MVB12B: variants seen among roughly 807,000 people sequenced by gnomAD.
MVB12B encodes the protein ESCRT-I complex subunit MVB12B.
In MVB12B, 16 loss-of-function variants were observed where a neutral mutation model predicts 41.6. The observed-to-expected ratio is 0.38, with a 90% CI of 0.26 to 0.58. MVB12B has a LOEUF of 0.58. Ranked by LOEUF, MVB12B falls within the 20% of genes least tolerant of loss-of-function variation. The pLI is 0.62. For synonymous variants in MVB12B, 133 were observed against 139.7 expected, an observed-to-expected ratio of 0.95 and a Z score of 0.34; for missense variants, 274 against 380.2, an observed-to-expected ratio of 0.72 and a Z score of 2.32.
intron 2 of MVB12B, among the ~76,000 whole-genome samples, chr9:126,361,373 G>A (rs776566204): frequency 2.8e-4 from 42 of 151,882 alleles, no homozygotes; most frequent in Non-Finnish European, 5.4e-4. Flanking sequence ...TGCTATTGTT[G>A]GCATACATTT....
At chr9:126,500,871 T>A (rs1833941166) in intron 9 of MVB12B, among the ~76,000 whole-genome samples, 1 of 152,228 alleles carries the variant, frequency 6.6e-6, no homozygotes, top group South Asian at 2.1e-4. Context: ...CCTTGCTCTC[T>A]CCGGTGATCC....
chr9:126,391,980 A>AGGGC lies in MVB12B; in HGVS notation c.410-84_410-81dup. 6.7e-7 allele frequency: 1 copy of AGGGC among 1,488,596 alleles called. No individual in the cohort carries two copies. The highest frequency in any genetic ancestry group is 9.3e-7 in the Non-Finnish European group (1 of 1,074,194). The allele number at this position is 1,488,596 out of a possible 1,614,324, so 92.2% of individuals were successfully genotyped here. A position where few individuals can be genotyped will look rare whatever the true frequency, so the allele number is the denominator to read the frequency against. ...ACCTGCCACTTCTGCTGCCAGGAAT[A>AGGGC]GGGCGTGACAGGGGATGTGGTTTTC... On this transcript the variant is annotated intron_variant, in intron 4 of 9. Transcript: ENST00000361171. The surrounding 1 kb of genome is among the most constrained non-coding windows in gnomAD (Gnocchi z 4.4).
chr9:126,435,231 TGCTG>T lies in MVB12B; in HGVS notation c.757+13284_757+13287del, dbSNP rs1203484837. ...CGTAAATATTGTTATTCCAGGGAAT[TGCTG>T]CTTATTATACCAGAAGGCACTGGTC... On this transcript the variant is annotated intron_variant, in intron 7 of 9. Coordinates refer to ENST00000361171, the MANE Select transcript of MVB12B (RefSeq NM_033446.3). Among the ~76,000 whole-genome samples, 3 of 152,294 alleles carry T rather than the reference TGCTG, an allele frequency of 2.0e-5. No homozygotes were observed. In the South Asian group the frequency reaches 6.2e-4, roughly 32 times the overall value.
rs116445156 is a variant in MVB12B at position 126,392,292 on chromosome 9, C to A, written c.539+97C>A. 7,151 of 1,444,352 alleles carry A rather than the reference C, an allele frequency of 5.0e-3. 291 individuals are homozygous for A. In the African/African-American group the frequency reaches 0.089, roughly 18 times the overall value. 89.5% of individuals were successfully genotyped at this position (1,444,352 alleles called of 1,614,324 possible). A position where few individuals can be genotyped will look rare whatever the true frequency, so the allele number is the denominator to read the frequency against. On this transcript the variant is annotated intron_variant, in intron 5 of 9. Coordinates refer to ENST00000361171, the MANE Select transcript of MVB12B (RefSeq NM_033446.3). The surrounding 1 kb of genome is among the most constrained non-coding windows in gnomAD (Gnocchi z 4.8). ...GTCCAAGAGATTTCCATGCAGCCCC[C>A]CAGGCTCTCAGCCATGGGCCTCTGT...
In MVB12B at chr9:126,396,117, A is replaced by G. The variant is rs945181063; in HGVS notation, c.662+420A>G. 9 of 991,306 alleles carry G rather than the reference A, an allele frequency of 9.1e-6. No individual in the cohort carries two copies. In the African/African-American group the frequency reaches 1.6e-4, roughly 17 times the overall value. 61.4% of individuals were successfully genotyped at this position (991,306 alleles called of 1,614,324 possible). A position where few individuals can be genotyped will look rare whatever the true frequency, so the allele number is the denominator to read the frequency against. On this transcript the variant is annotated intron_variant, in intron 6 of 9. Coordinates refer to ENST00000361171, the MANE Select transcript of MVB12B (RefSeq NM_033446.3). Reference sequence around the variant, plus strand: ...GTTCTTATATTCTTCATTTTCATATAATTTCTTTTTCCAATGAGCTATAAA... The same window carrying G: ...GTTCTTATATTCTTCATTTTCATATGATTTCTTTTTCCAATGAGCTATAAA...
At chr9:126,364,072 A>T (rs572086268) in intron 2 of MVB12B, among the ~76,000 whole-genome samples, 1 of 152,242 alleles carries the variant, frequency 6.6e-6, no homozygotes, top group Admixed American at 6.5e-5. Context: ...CAGGATGTTT[A>T]TTGAATTGAA....
At chr9:126,351,156 G>T (rs977917317) in intron 2 of MVB12B, among the ~76,000 whole-genome samples, 1 of 152,146 alleles carries the variant, frequency 6.6e-6, no homozygotes, top group Non-Finnish European at 1.5e-5. Flanking sequence ...AATTATAAAT[G>T]GAATTGTACT....
At chr9:126,413,818 TTG>T (rs34089808) in intron 6 of MVB12B, among the ~76,000 whole-genome samples, 21,618 of 109,328 alleles carry the variant, frequency 0.2, 1,687 homozygotes, top group East Asian at 0.36. Context: ...ACCCCATTGG[TTG>T]TGTGTGTGTG....
chr9:126,491,819 G>C (rs1226364517), intron 9 of MVB12B, among the ~76,000 whole-genome samples: 1 of 152,128 alleles, frequency 6.6e-6, no homozygotes, highest in Non-Finnish European at 1.5e-5. Context: ...AGAGAAGTCT[G>C]AGGCTTCTTT....
intron 2 of MVB12B, among the ~76,000 whole-genome samples, chr9:126,347,785 CAT>C (rs1270575629): frequency 6.6e-6 from 1 of 152,260 alleles, no homozygotes; most frequent in Non-Finnish European, 1.5e-5. Context: ...TTGTTAAAAA[CAT>C]ATGGCAGATA....
intron 7 of MVB12B, among the ~76,000 whole-genome samples, chr9:126,450,821 G>A (rs889337782): frequency 1.3e-5 from 2 of 152,212 alleles, no homozygotes; most frequent in African/African-American, 2.4e-5. Context: ...GTGCAGCGGA[G>A]GCTGAAAGGG....
chr9:126,432,770 C>T (rs570426632), intron 7 of MVB12B, among the ~76,000 whole-genome samples: 1 of 152,240 alleles, frequency 6.6e-6, no homozygotes, highest in African/African-American at 2.4e-5. Flanking sequence ...ACATTGAGCT[C>T]GAAACCACGG....
chr9:126,342,712 G>T (rs1418129986), intron 2 of MVB12B, among the ~76,000 whole-genome samples: 1 of 152,162 alleles, frequency 6.6e-6, no homozygotes, highest in Admixed American at 6.5e-5. Context: ...GCAGATAAGC[G>T]TCTCGTTCCC....
intron 1 of MVB12B, among the ~76,000 whole-genome samples, chr9:126,339,407 T>C (rs1290496651): frequency 6.6e-6 from 1 of 152,170 alleles, no homozygotes; most frequent in African/African-American, 2.4e-5. Flanking sequence ...TTTGACTTGC[T>C]CTTTTTCACT....
At chr9:126,393,949 C>G (rs576352705) in intron 5 of MVB12B, among the ~76,000 whole-genome samples, 5 of 152,342 alleles carry the variant, frequency 3.3e-5, no homozygotes, top group Admixed American at 2.0e-4. Context: ...AGCCTAGACC[C>G]GGTGAGACAG....
chr9:126,421,952 T>C lies in MVB12B; in HGVS notation c.757+4T>C. The C allele has an allele frequency of 6.2e-7, 1 of 1,609,550 alleles. No individual in the cohort carries two copies. The highest frequency in any genetic ancestry group is 8.5e-7 in the Non-Finnish European group (1 of 1,176,248). ...TCCAATTTGTATGCCATATCAGGTA[T>C]GTGGAGCCACCGCTGCAGGCCAGCT... On this transcript the variant is annotated splice_donor_region_variant and intron_variant, in intron 7 of 9. Transcript: ENST00000361171.
At chr9:126,494,365 G>T (rs192303157) in intron 9 of MVB12B, among the ~76,000 whole-genome samples, 1 of 152,264 alleles carries the variant, frequency 6.6e-6, no homozygotes, top group African/African-American at 2.4e-5. Flanking sequence ...TCTTGTTCCC[G>T]TGGTGGCCCA....
intron 6 of MVB12B, chr9:126,397,044 A>G (rs1160944765): frequency 2.0e-6 from 2 of 985,386 alleles, no homozygotes; most frequent in East Asian, 1.1e-4. Flanking sequence ...AGCTAAGTCC[A>G]TCACCTGTGT....
At chr9:126,415,082 C>A (rs1831772975) in intron 6 of MVB12B, among the ~76,000 whole-genome samples, 1 of 152,090 alleles carries the variant, frequency 6.6e-6, no homozygotes, top group African/African-American at 2.4e-5. Flanking sequence ...CTTATAACTC[C>A]CTTGGCTGGG....
Sources: gnomAD v4.1 joint callset for allele counts (sites outside exome capture counted in the v4.1 genomes callset) on GRCh38, gnomAD v4.1.1 for gene constraint, Gnocchi (gnomAD v3.1) non-coding constraint, MANE v1.5 for transcripts, NCBI Gene and HGNC (gene_info 2026-07-23, HGNC 2026-07-21) for gene names.